Variants in ACAD9 observed in about 807,000 individuals in gnomAD.
ACAD9 encodes the protein acyl-CoA dehydrogenase family member 9, also known as complex I assembly factor ACAD9, mitochondrial.
Under a neutral mutation model 70.2 loss-of-function variants are expected in ACAD9, and 53 were observed. That is an observed-to-expected ratio of 0.75 (90% CI 0.61 to 0.95). ACAD9 has a LOEUF of 0.95. Ranked by LOEUF, ACAD9 falls within the 40% of genes least tolerant of loss-of-function variation. The probability of loss-of-function intolerance (pLI) is 0.00; values close to 1 mark genes in which losing one functional copy is unlikely to be tolerated. For synonymous variants in ACAD9, 313 were observed against 312.1 expected, an observed-to-expected ratio of 1.00 and a Z score of -0.03; for missense variants, 777 against 802.8, an observed-to-expected ratio of 0.97 and a Z score of 0.39.
chr3:128,892,419 A>C (rs185753100), intron 2 of ACAD9, among the ~76,000 whole-genome samples: 2 of 152,322 alleles, frequency 1.3e-5, no homozygotes, highest in East Asian at 3.9e-4. Flanking sequence ...TATAATACTG[A>C]TGAAGTTTAA....
At position 128,890,930 on chromosome 3, in the gene ACAD9, C is replaced by T. The variant is rs142835913; in HGVS notation, c.245-2625C>T. On this transcript the variant is annotated intron_variant, in intron 2 of 17. Transcript: ENST00000308982. ...TATCTTGGCCCACTACAACCTCTGCCTCCCAGGTTCAAGCGATTCTCCTGC... is the reference window on the plus strand; with the variant it reads ...TATCTTGGCCCACTACAACCTCTGCTTCCCAGGTTCAAGCGATTCTCCTGC... 4.6e-4 allele frequency among the ~76,000 whole-genome samples: 70 copies of T among 151,676 alleles called. No individual in the cohort carries two copies. In the East Asian group the frequency reaches 0.014, roughly 30 times the overall value.
At chr3:128,911,732 G>C (rs753719930) in intron 17 of ACAD9, among the ~76,000 whole-genome samples, 1 of 152,238 alleles carries the variant, frequency 6.6e-6, no homozygotes, top group Non-Finnish European at 1.5e-5. Context: ...ATGAGCCACT[G>C]TGCCCAGCCC....
In ACAD9 at chr3:128,902,710, G is replaced by A. The variant is rs183977128; in HGVS notation, c.958+82G>A. On this transcript the variant is annotated intron_variant, in intron 9 of 17. Transcript: ENST00000308982. This position sits in a 1 kb window ranked among gnomAD's most constrained non-coding sequence, Gnocchi z 4.0. ...ACCCTGGAGGCTCTGCCATTCCCCC[G>A]GCCCCTTCCAGGCCAGTGCTGAACC... 3.8e-5 allele frequency: 56 copies of A among 1,489,330 alleles called. No individual in the cohort carries two copies. Among genetic ancestry groups the A allele is most frequent in the Non-Finnish European group, 4.5e-5 (49 of 1,083,434 alleles). The allele number at this position is 1,489,330 out of a possible 1,614,324, so 92.3% of individuals were successfully genotyped here.
intron 4 of ACAD9, 96 bp downstream of exon 4, chr3:128,895,512 C>T: frequency 2.6e-6 from 3 of 1,166,270 alleles, no homozygotes; most frequent in Non-Finnish European, 3.8e-6. Flanking sequence ...CTGAATTGGG[C>T]CTGATATCTG....
At chr3:128,893,761 G>A in intron 3 of ACAD9, 105 bp downstream of exon 3, 1 of 966,744 alleles carries the variant, frequency 1.0e-6, no homozygotes, top group Admixed American at 2.0e-5. Flanking sequence ...CATCCGTGGT[G>A]GGCTACTTGG....
chr3:128,887,081 C>T (rs1012475474), intron 2 of ACAD9, among the ~76,000 whole-genome samples: 4 of 152,020 alleles, frequency 2.6e-5, no homozygotes, highest in Admixed American at 2.0e-4. Context: ...CGCACCGCCA[C>T]GCCTGGCTAA....
chr3:128,899,456 C>G lies in ACAD9; in HGVS notation c.803C>G (p.Ser268Cys). The G allele has an allele frequency of 6.2e-7, 1 of 1,613,962 alleles. No homozygotes were observed. Among genetic ancestry groups the G allele is most frequent in the South Asian group, 1.1e-5 (1 of 91,068 alleles). The change falls in exon 7 of 18, where the codon TCC becomes TGC. Residue 268 changes from serine (S) to cysteine (C), a missense_variant. Ser to Cys is a moderately radical substitution (Grantham distance 112, BLOSUM62 -1). Transcript: ENST00000308982. ...GAAGATAAATTAGGCATTCGGGGCT[C>G]CAACAGTAAGTAGCTCCTGTGCGCG... is the stretch of plus-strand genomic sequence containing the variant. ...KPEDKLGIRG[S>C]NTCEVHFENT... is the part of the protein sequence containing the mutation.
Position 128,910,174 on chromosome 3 carries a change from G to A in ACAD9, c.1692+25G>A, listed in dbSNP as rs779591925. On this transcript the variant is annotated intron_variant, in intron 16 of 17. Transcript: ENST00000308982. The stretch of plus-strand genomic sequence containing the variant: ...GGTGAGCCCAGCCCAGCCTCACACA[G>A]GGCCTGGCTGCTGCCATCTGTCCTG... The A allele has an allele frequency of 3.7e-6, 6 of 1,613,782 alleles. No individual in the cohort carries two copies. The East Asian group carries it at 1.1e-4, about 30-fold the overall frequency.
chr3:128,896,256 C>T (rs1350333763), intron 4 of ACAD9, among the ~76,000 whole-genome samples, 180 bp from the exon 5 acceptor site: 1 of 152,376 alleles, frequency 6.6e-6, no homozygotes, highest in Non-Finnish European at 1.5e-5. Flanking sequence ...GGCATGTGCG[C>T]CCTGACCGTC....
In ACAD9 at chr3:128,908,999, C is replaced by CT; in HGVS notation, c.1385_1386insT (p.Val463SerfsTer40). On this transcript the variant is annotated frameshift_variant, in exon 14 of 18. Coordinates refer to ENST00000308982, the MANE Select transcript of ACAD9 (RefSeq NM_014049.5). LOFTEE classifies it high-confidence loss of function. ...GAGCTTAAACAGGCCAAAGTGAGCA[C>CT]AGTCATGGATACCGTTGGCCGGAGG... 6.2e-7 allele frequency: 1 copy of CT among 1,614,208 alleles called. No homozygotes were observed. The highest frequency in any genetic ancestry group is 8.5e-7 in the Non-Finnish European group (1 of 1,180,038).
rs1293810835 is a variant in ACAD9, at chr3:128,895,380, T to C, written c.417T>C (p.Thr139=). 4 of 1,612,516 alleles carry C rather than the reference T, an allele frequency of 2.5e-6. No homozygotes were observed. Among genetic ancestry groups the C allele is most frequent in the East Asian group, 2.2e-5 (1 of 44,848 alleles). The change falls in exon 4 of 18, where the codon ACT becomes ACC. Residue 139 remains threonine, a synonymous_variant. Coordinates refer to ENST00000308982, the MANE Select transcript of ACAD9 (RefSeq NM_014049.5). ...TCATCAGCATGGATGGGTCCATCAC[T>C]GTGACCCTGGCAGCGCACCAGGCTA... ...GEIISMDGSI[T]VTLAAHQAIG...
At chr3:128,908,925 A>G (rs1156847590) in intron 13 of ACAD9, 48 bp from the exon 14 acceptor site, 2 of 1,613,560 alleles carry the variant, frequency 1.2e-6, no homozygotes, top group Non-Finnish European at 1.7e-6. Flanking sequence ...CTGGACAGTG[A>G]GCGCCAGCAG....
At chr3:128,910,609 C>G in intron 16 of ACAD9, 132 bp from the exon 17 acceptor site, 1 of 981,212 alleles carries the variant, frequency 1.0e-6, no homozygotes, top group African/African-American at 1.6e-5. Flanking sequence ...GAACCCAAGA[C>G]GGGGTGACTC....
chr3:128,904,987 A>T lies in ACAD9; in HGVS notation c.1149+482A>T, dbSNP rs187942208. ...TGGTAAAACCCCATCTCTACTAAAAACACAAAAAATTAGCCGGGCATAGTG... is the reference window on the plus strand; with the variant it reads ...TGGTAAAACCCCATCTCTACTAAAATCACAAAAAATTAGCCGGGCATAGTG... On this transcript the variant is annotated intron_variant, in intron 11 of 17. Transcript: ENST00000308982. Among the ~76,000 whole-genome samples the T allele has an allele frequency of 9.2e-5, 14 of 151,578 alleles. No homozygotes were observed. The East Asian group carries it at 2.7e-3, about 29-fold the overall frequency.
intron 11 of ACAD9, 116 bp downstream of exon 11, chr3:128,904,621 T>C: frequency 6.7e-7 from 1 of 1,490,840 alleles, no homozygotes; most frequent in Non-Finnish European, 9.0e-7. Flanking sequence ...ATTGATCCAG[T>C]ATTTATGATG....
chr3:128,884,867 A>G lies in ACAD9; in HGVS notation c.244+121A>G, dbSNP rs1935202431. On this transcript the variant is annotated intron_variant, in intron 2 of 17. Coordinates refer to ENST00000308982, the MANE Select transcript of ACAD9 (RefSeq NM_014049.5). ...TGAGGGAGAAATGGTTTCCACTCAT[A>G]ATATTTTGCTTTAGGTTTCATCCCT... 3.6e-6 allele frequency: 3 copies of G among 833,450 alleles called. No homozygotes were observed. In the South Asian group the frequency reaches 4.3e-5, roughly 12 times the overall value. 51.6% of individuals were successfully genotyped at this position (833,450 alleles called of 1,614,324 possible). A position where few individuals can be genotyped will look rare whatever the true frequency, so the allele number is the denominator to read the frequency against.
chr3:128,895,290 C>T lies in ACAD9; in HGVS notation c.347-20C>T, dbSNP rs1683791. The T allele has an allele frequency of 0.47, 748,629 of 1,583,692 alleles. 186,493 individuals are homozygous for T. Among genetic ancestry groups the T allele is most frequent in the African/African-American group, 0.88 (65,131 of 73,792 alleles). On this transcript the variant is annotated intron_variant, in intron 3 of 17. Coordinates refer to ENST00000308982, the MANE Select transcript of ACAD9 (RefSeq NM_014049.5). ...GAATCTAGGGCTGGGCTGTGATTGACGCTGGTCCATCTCTCCTAGGTGGCC... is the reference window on the plus strand; with the variant it reads ...GAATCTAGGGCTGGGCTGTGATTGATGCTGGTCCATCTCTCCTAGGTGGCC...
chr3:128,889,561 C>T (rs935983838), intron 2 of ACAD9, among the ~76,000 whole-genome samples: 1 of 152,166 alleles, frequency 6.6e-6, no homozygotes, highest in African/African-American at 2.4e-5. Context: ...CAGGCAACTG[C>T]TGATCTGTTT....
chr3:128,902,686 C>A lies in ACAD9; in HGVS notation c.958+58C>A, dbSNP rs1427422139. 6.4e-7 allele frequency: 1 copy of A among 1,574,334 alleles called. No individual in the cohort carries two copies. Among genetic ancestry groups the A allele is most frequent in the Non-Finnish European group, 8.7e-7 (1 of 1,149,030 alleles). On this transcript the variant is annotated intron_variant, in intron 9 of 17. Coordinates refer to ENST00000308982, the MANE Select transcript of ACAD9 (RefSeq NM_014049.5). The surrounding 1 kb of genome is among the most constrained non-coding windows in gnomAD (Gnocchi z 4.0). Reference sequence around the variant, plus strand: ...CCACCCCCTGCTGCCCCGGCTCCAACCCTGGAGGCTCTGCCATTCCCCCGG... The same window carrying A: ...CCACCCCCTGCTGCCCCGGCTCCAAACCTGGAGGCTCTGCCATTCCCCCGG...
Sources: allele counts gnomAD v4.1 joint callset (sites outside exome capture counted in the v4.1 genomes callset), GRCh38; gene constraint gnomAD v4.1.1; non-coding constraint Gnocchi (gnomAD v3.1); transcripts MANE v1.5; gene names NCBI Gene and HGNC (gene_info 2026-07-23, HGNC 2026-07-21).